The following SLIT2 variants were observed in gnomAD, a reference collection of about 807,000 sequenced individuals.
SLIT2 encodes the protein slit homolog 2 protein.
A neutral mutation model predicts 185.7 loss-of-function variants in SLIT2; 41 were observed. That is an observed-to-expected ratio of 0.22 (90% CI 0.17 to 0.29). The LOEUF (loss-of-function observed/expected upper bound fraction) is 0.29. Ranked by LOEUF, SLIT2 falls within the 10% of genes least tolerant of loss-of-function variation. The pLI is 1.00. For synonymous variants in SLIT2, 693 were observed against 680.2 expected, an observed-to-expected ratio of 1.02 and a Z score of -0.29; for missense variants, 1,571 against 1,909.0, an observed-to-expected ratio of 0.82 and a Z score of 3.30.
intron 17 of SLIT2, among the ~76,000 whole-genome samples, chr4:20,532,907 G>A (rs1012740633): frequency 3.9e-5 from 6 of 152,144 alleles, no homozygotes; most frequent in Non-Finnish European, 8.8e-5. Flanking sequence ...TTCTCTCAGA[G>A]AAATTAAAAT....
chr4:20,480,986 G>A (rs1716642374), intron 6 of SLIT2, among the ~76,000 whole-genome samples, 199 bp downstream of exon 6: 1 of 151,886 alleles, frequency 6.6e-6, no homozygotes, highest in African/African-American at 2.4e-5. Context: ...GTATATTTAG[G>A]TAAAATTGTG....
rs1182658447 is a variant in SLIT2 at position 20,618,951 on chromosome 4, C to G, written c.4532C>G (p.Ser1511Cys). Residue 1511 changes from serine (S) to cysteine (C), a missense_variant, in exon 37 of 37, where the codon TCC becomes TGC. This residue lies in a region of SLIT2 where 223 missense variants were observed against 245.2 expected (regional missense o/e 0.91). Transcript: ENST00000504154. Reference sequence around the variant, plus strand: ...TCTTTCGAATGCACTGACGGCTCCTCCTTTGTGGACGAGGTTGAGAAAGTG... The same window carrying G: ...TCTTTCGAATGCACTGACGGCTCCTGCTTTGTGGACGAGGTTGAGAAAGTG... ...KYSFECTDGS[S>C]FVDEVEKVVK... 6.2e-7 allele frequency: 1 copy of G among 1,613,944 alleles called. No homozygotes were observed. Among genetic ancestry groups the G allele is most frequent in the Non-Finnish European group, 8.5e-7 (1 of 1,180,008 alleles).
chr4:20,411,395 C>T lies in SLIT2; in HGVS notation c.396-56357C>T, dbSNP rs964704437. Among the ~76,000 whole-genome samples, 4 of 152,104 alleles carry T rather than the reference C, an allele frequency of 2.6e-5. No homozygotes were observed. The East Asian group carries it at 7.7e-4, about 29-fold the overall frequency. On this transcript the variant is annotated intron_variant, in intron 4 of 36. Transcript: ENST00000504154. ...CCAGTATATAGATGAGGACATTGCA[C>T]TAGAGAGATTAATAACTTGGCAAAC...
intron 4 of SLIT2, among the ~76,000 whole-genome samples, chr4:20,449,588 T>A (rs1712237293): frequency 6.6e-6 from 1 of 152,080 alleles, no homozygotes; most frequent in South Asian, 2.1e-4. Context: ...TTTGTATTTT[T>A]AGTAGAGACA....
intron 31 of SLIT2, among the ~76,000 whole-genome samples, chr4:20,596,067 C>G (rs1727955270): frequency 6.6e-6 from 1 of 152,074 alleles, no homozygotes; most frequent in Admixed American, 6.6e-5. Flanking sequence ...AATATATACA[C>G]TTACTAGGTA....
At chr4:20,308,721 G>T (rs1717805689) in intron 4 of SLIT2, among the ~76,000 whole-genome samples, 1 of 151,826 alleles carries the variant, frequency 6.6e-6, no homozygotes, top group South Asian at 2.1e-4. Context: ...GTACATATGG[G>T]TATACTTATA....
chr4:20,297,398 G>A (rs1338834672), intron 4 of SLIT2, among the ~76,000 whole-genome samples: 3 of 152,230 alleles, frequency 2.0e-5, no homozygotes, highest in Non-Finnish European at 4.4e-5. Flanking sequence ...GAGTCTAGAG[G>A]AAAAATATTC....
At chr4:20,589,759 T>C (rs748418669) in intron 30 of SLIT2, 22 bp downstream of exon 30, 25 of 1,583,706 alleles carry the variant, frequency 1.6e-5, no homozygotes, top group Non-Finnish European at 1.7e-5. Flanking sequence ...GCTACCTTTT[T>C]GCTCACAGTC....
At chr4:20,280,368 A>T (rs534271432) in intron 4 of SLIT2, among the ~76,000 whole-genome samples, 16 of 151,956 alleles carry the variant, frequency 1.1e-4, no homozygotes, top group African/African-American at 3.6e-4. Flanking sequence ...CAACAAAAAA[A>T]AACCAAAAAG....
chr4:20,316,857 T>C (rs1192623282), intron 4 of SLIT2, among the ~76,000 whole-genome samples: 2 of 151,394 alleles, frequency 1.3e-5, no homozygotes, highest in African/African-American at 2.4e-5. Flanking sequence ...TTCTTCCTAT[T>C]TTCTAATTCA....
chr4:20,371,152 C>T (rs1031525018), intron 4 of SLIT2, among the ~76,000 whole-genome samples: 1 of 151,996 alleles, frequency 6.6e-6, no homozygotes, highest in Non-Finnish European at 1.5e-5. Context: ...TAAGGGGCAC[C>T]ATTCAGATGT....
At chr4:20,473,404 G>A (rs186858072) in intron 5 of SLIT2, among the ~76,000 whole-genome samples, 1 of 151,838 alleles carries the variant, frequency 6.6e-6, no homozygotes, top group East Asian at 1.9e-4. Flanking sequence ...ATTCTCTTTA[G>A]GTAAGCAAAA....
chr4:20,329,900 C>A (rs1719920781), intron 4 of SLIT2, among the ~76,000 whole-genome samples: 1 of 152,018 alleles, frequency 6.6e-6, no homozygotes, highest in Non-Finnish European at 1.5e-5. Flanking sequence ...TTTTCTGAGG[C>A]CTTTTTCTGC....
chr4:20,611,994 T>C (rs1240042485), intron 34 of SLIT2, among the ~76,000 whole-genome samples: 2 of 152,164 alleles, frequency 1.3e-5, no homozygotes, highest in African/African-American at 4.8e-5. Flanking sequence ...TTATGGACTT[T>C]TCGTTCACTT....
chr4:20,604,336 T>A (rs1244750523), intron 33 of SLIT2, among the ~76,000 whole-genome samples: 3 of 152,214 alleles, frequency 2.0e-5, no homozygotes, highest in Admixed American at 2.0e-4. Context: ...TGAAAAATTC[T>A]TACAGGTATA....
chr4:20,434,441 G>A (rs998551466), intron 4 of SLIT2, among the ~76,000 whole-genome samples: 6 of 152,050 alleles, frequency 3.9e-5, no homozygotes, highest in Admixed American at 6.6e-5. Flanking sequence ...AGCCAAGATC[G>A]CACCACTGCA....
In SLIT2 at chr4:20,533,503, T is replaced by C; in HGVS notation, c.1689-69T>C. The C allele has an allele frequency of 5.8e-6, 7 of 1,210,544 alleles. No homozygotes were observed. The South Asian group carries it at 9.7e-5, about 17-fold the overall frequency. The allele number at this position is 1,210,544 out of a possible 1,614,324, so 75.0% of individuals were successfully genotyped here. On this transcript the variant is annotated intron_variant, in intron 17 of 36. Transcript: ENST00000504154. ...AACTTGGATCATTAGAAGAAAATTA[T>C]CAACTATGTTTCAATTCCCACCTTG...
At chr4:20,348,829 A>G (rs974735265) in intron 4 of SLIT2, among the ~76,000 whole-genome samples, 1 of 152,190 alleles carries the variant, frequency 6.6e-6, no homozygotes, top group Non-Finnish European at 1.5e-5. Flanking sequence ...CCCAGATTCA[A>G]GTTTTACAGA....
At chr4:20,347,357 A>G (rs1422573193) in intron 4 of SLIT2, among the ~76,000 whole-genome samples, 2 of 152,250 alleles carry the variant, frequency 1.3e-5, no homozygotes, top group Non-Finnish European at 2.9e-5. Context: ...ATTTAAGTAC[A>G]TAATTAAGAA....
Sources: allele counts gnomAD v4.1 joint callset (sites outside exome capture counted in the v4.1 genomes callset), GRCh38; gene constraint gnomAD v4.1.1; regional missense constraint gnomAD v4.1.1; transcripts MANE v1.5; gene names NCBI Gene and HGNC (gene_info 2026-07-23, HGNC 2026-07-21).